SYT1: variants seen among roughly 807,000 people sequenced by gnomAD.
SYT1 encodes the protein synaptotagmin 1, also known as synaptotagmin-1.
In SYT1, 8 loss-of-function variants were observed where a neutral mutation model predicts 44.8. The observed-to-expected ratio is 0.18, with a 90% CI of 0.10 to 0.32. The LOEUF (loss-of-function observed/expected upper bound fraction) is 0.32. SYT1 is among the 10% of genes least tolerant of loss of function. The pLI is 1.00. For missense variants in SYT1, 286 were observed against 509.3 expected (o/e 0.56, Z 4.22); for synonymous variants, 154 against 188.8 (o/e 0.82, Z 1.51).
chr12:79,234,324 T>C (rs1286096412), intron 4 of SYT1, among the ~76,000 whole-genome samples: 3 of 152,214 alleles, frequency 2.0e-5, no homozygotes, highest in African/African-American at 7.2e-5. Flanking sequence ...GATGCACCCA[T>C]TGAAAATGTA....
At chr12:79,237,233 G>A (rs1256667282) in intron 4 of SYT1, among the ~76,000 whole-genome samples, 1 of 152,292 alleles carries the variant, frequency 6.6e-6, no homozygotes, top group African/African-American at 2.4e-5. Flanking sequence ...AGAGAAGCTG[G>A]GTAACCATTC....
chr12:79,352,476 A>G (rs1390379079), intron 8 of SYT1, among the ~76,000 whole-genome samples: 1 of 152,096 alleles, frequency 6.6e-6, no homozygotes, highest in African/African-American at 2.4e-5. Context: ...ATAAGTCTTG[A>G]TTTGCCATAT....
At chr12:79,306,100 G>T (rs1477739112) in intron 8 of SYT1, among the ~76,000 whole-genome samples, 1 of 152,188 alleles carries the variant, frequency 6.6e-6, no homozygotes, top group Non-Finnish European at 1.5e-5. Context: ...GAGAGTGCAA[G>T]GATATTGTCT....
At chr12:79,407,843 G>A (rs1885297121) in intron 9 of SYT1, among the ~76,000 whole-genome samples, 1 of 152,118 alleles carries the variant, frequency 6.6e-6, no homozygotes, top group South Asian at 2.1e-4. Flanking sequence ...ACAGGAGAAG[G>A]ACATTGCTGT....
intron 1 of SYT1, among the ~76,000 whole-genome samples, chr12:78,926,139 C>A (rs1877291940): frequency 6.6e-6 from 1 of 151,958 alleles, no homozygotes; most frequent in South Asian, 2.1e-4. Context: ...AACAAAGAGT[C>A]CTGAGGCATG....
At chr12:78,865,878 T>A (rs1334488821) in intron 1 of SYT1, among the ~76,000 whole-genome samples, 1 of 151,644 alleles carries the variant, frequency 6.6e-6, no homozygotes, top group Non-Finnish European at 1.5e-5. Flanking sequence ...GTATTGCACA[T>A]CAGTGTTAAT....
At chr12:78,989,659 T>C (rs1170519994) in intron 2 of SYT1, among the ~76,000 whole-genome samples, 1 of 152,152 alleles carries the variant, frequency 6.6e-6, no homozygotes, top group Admixed American at 6.5e-5. Context: ...TGGATTTCCC[T>C]AATGTCTTCC....
chr12:79,017,662 G>C (rs377680827), intron 2 of SYT1, among the ~76,000 whole-genome samples: 2 of 152,038 alleles, frequency 1.3e-5, no homozygotes, highest in Non-Finnish European at 2.9e-5. Flanking sequence ...GGAGGAAGAG[G>C]TTGGAAATAT....
At chr12:79,046,940 T>C (rs1373914107) in intron 2 of SYT1, among the ~76,000 whole-genome samples, 2 of 151,950 alleles carry the variant, frequency 1.3e-5, no homozygotes, top group Non-Finnish European at 2.9e-5. Context: ...AGATATTTAA[T>C]TGACTAAGAA....
intron 8 of SYT1, among the ~76,000 whole-genome samples, chr12:79,342,286 C>A (rs1352562489): frequency 6.6e-6 from 1 of 152,116 alleles, no homozygotes; most frequent in Non-Finnish European, 1.5e-5. Context: ...GGCTGGAGTG[C>A]AGTGCCACAA....
intron 9 of SYT1, among the ~76,000 whole-genome samples, chr12:79,390,923 T>A (rs2136093284): frequency 6.6e-6 from 1 of 152,312 alleles, no homozygotes; most frequent in East Asian, 1.9e-4. Context: ...TCTAGACTGG[T>A]TGCTCTCTAA....
At chr12:79,035,714 G>A (rs2137691906) in intron 2 of SYT1, among the ~76,000 whole-genome samples, 1 of 151,726 alleles carries the variant, frequency 6.6e-6, no homozygotes, top group East Asian at 1.9e-4. Flanking sequence ...AGAATCATAA[G>A]AGACATTCTG....
chr12:79,295,691 A>G (rs1879844783), intron 6 of SYT1, among the ~76,000 whole-genome samples: 1 of 152,234 alleles, frequency 6.6e-6, no homozygotes, highest in South Asian at 2.1e-4. Flanking sequence ...TGATTGCTTA[A>G]CAATGCATTT....
intron 3 of SYT1, among the ~76,000 whole-genome samples, chr12:79,060,527 G>A (rs949880321): frequency 6.6e-6 from 1 of 151,880 alleles, no homozygotes; most frequent in African/African-American, 2.4e-5. Flanking sequence ...CTTCAGTCTT[G>A]ATGAAACTGA....
chr12:79,099,646 T>C (rs918997487), intron 3 of SYT1, among the ~76,000 whole-genome samples: 1 of 150,076 alleles, frequency 6.7e-6, no homozygotes, highest in Admixed American at 6.6e-5. Flanking sequence ...TTGATAAATA[T>C]CTTTAAAAGA....
intron 2 of SYT1, among the ~76,000 whole-genome samples, chr12:79,021,878 AT>A (rs2137626403): frequency 6.6e-6 from 1 of 151,954 alleles, no homozygotes; most frequent in Admixed American, 6.6e-5. Context: ...AAATAAAATT[AT>A]TTTTTATATT....
rs1871032631 is a variant in SYT1 at position 79,451,108 on chromosome 12, G to T, written c.*1984G>T. 1 of 152,210 alleles carries T rather than the reference G, an allele frequency of 6.6e-6. No homozygotes were observed. The highest frequency in any genetic ancestry group is 1.5e-5 in the Non-Finnish European group (1 of 68,038). 9.4% of individuals were successfully genotyped at this position (152,210 alleles called of 1,614,324 possible). On this transcript the variant is annotated 3_prime_UTR_variant, in exon 11 of 11. Coordinates refer to ENST00000261205, the MANE Select transcript of SYT1 (RefSeq NM_005639.3). The stretch of plus-strand genomic sequence containing the variant: ...ATGGTAGGCTTTGAACATGGGGTTG[G>T]CTGTTTCCCAGTAAAACTGGAATTC...
chr12:79,314,912 A>G (rs1881007535), intron 8 of SYT1, among the ~76,000 whole-genome samples: 2 of 152,232 alleles, frequency 1.3e-5, no homozygotes, highest in East Asian at 1.9e-4. Context: ...GATACATGCT[A>G]TAACACTCAT....
chr12:78,948,199 T>A (rs4399373), intron 1 of SYT1, among the ~76,000 whole-genome samples: 7,178 of 151,870 alleles, frequency 0.047, 215 homozygotes, highest in Admixed American at 0.087. Context: ...AAGGAATTAG[T>A]CATGGAATAG....
Sources: allele counts gnomAD v4.1 joint callset (sites outside exome capture counted in the v4.1 genomes callset), GRCh38; gene constraint gnomAD v4.1.1; transcripts MANE v1.5; gene names NCBI Gene and HGNC (gene_info 2026-07-23, HGNC 2026-07-21).